The following CPA6 variants were observed in gnomAD, a reference collection of about 807,000 sequenced individuals.
CPA6 encodes the protein carboxypeptidase A6.
In CPA6, 58 loss-of-function variants were observed where a neutral mutation model predicts 63.3. That is an observed-to-expected ratio of 0.92 (90% CI 0.74 to 1.14). CPA6 has a LOEUF of 1.14. Among genes scored for constraint, CPA6 ranks in the 50% most tolerant of loss-of-function variants. CPA6 has a pLI of 0.00. For missense variants in CPA6, 565 were observed against 526.6 expected (o/e 1.07, Z -0.71); for synonymous variants, 185 against 179.0 (o/e 1.03, Z -0.27).
At chr8:67,568,987 G>T (rs1289741319) in intron 2 of CPA6, among the ~76,000 whole-genome samples, 1 of 152,172 alleles carries the variant, frequency 6.6e-6, no homozygotes, top group Non-Finnish European at 1.5e-5. Context: ...CTGACCTCAG[G>T]TGATCCACCC....
intron 1 of CPA6, among the ~76,000 whole-genome samples, chr8:67,626,248 G>A (rs1411234835): frequency 1.3e-5 from 2 of 152,274 alleles, no homozygotes; most frequent in East Asian, 3.9e-4. Flanking sequence ...TTTCCAAGAT[G>A]AAGTAAGGCT....
intron 1 of CPA6, among the ~76,000 whole-genome samples, chr8:67,630,525 A>C (rs1460396402): frequency 6.6e-6 from 1 of 152,244 alleles, no homozygotes. Flanking sequence ...CCACCTTTTA[A>C]AGAAATGGCT....
intron 2 of CPA6, among the ~76,000 whole-genome samples, chr8:67,585,528 G>A (rs375907874): frequency 2.4e-4 from 36 of 152,050 alleles, no homozygotes; most frequent in African/African-American, 6.0e-4. Flanking sequence ...ATACATTCTC[G>A]GTAGATAAGA....
intron 1 of CPA6, among the ~76,000 whole-genome samples, chr8:67,698,363 G>A (rs1816951314): frequency 6.6e-6 from 1 of 152,174 alleles, no homozygotes; most frequent in Admixed American, 6.5e-5. Context: ...GGTGATTCTG[G>A]TGAAGGTGAT....
intron 3 of CPA6, among the ~76,000 whole-genome samples, chr8:67,516,823 C>G (rs1295274842): frequency 2.0e-5 from 3 of 152,008 alleles, no homozygotes; most frequent in Admixed American, 1.3e-4. Context: ...GTGCAGACAG[C>G]CTGCACTCTG....
chr8:67,516,685 G>T (rs1812151069), intron 3 of CPA6, among the ~76,000 whole-genome samples: 1 of 152,190 alleles, frequency 6.6e-6, no homozygotes, highest in Non-Finnish European at 1.5e-5. Context: ...GAAACTCATT[G>T]TTCCTTTTAT....
At chr8:67,565,095 G>C (rs1231825261) in intron 2 of CPA6, among the ~76,000 whole-genome samples, 1 of 152,042 alleles carries the variant, frequency 6.6e-6, no homozygotes, top group Non-Finnish European at 1.5e-5. Context: ...CAAATATATT[G>C]GATAATGGAG....
At chr8:67,660,335 T>TTG (rs1220299227) in intron 1 of CPA6, among the ~76,000 whole-genome samples, 42 of 127,448 alleles carry the variant, frequency 3.3e-4, no homozygotes, top group Non-Finnish European at 6.8e-4. Flanking sequence ...TTTTTTTTTT[T>TTG]TTTTTTTTTT....
At chr8:67,578,342 G>A (rs540579199) in intron 2 of CPA6, among the ~76,000 whole-genome samples, 1 of 152,332 alleles carries the variant, frequency 6.6e-6, no homozygotes, top group Non-Finnish European at 1.5e-5. Flanking sequence ...GATCTAAAAT[G>A]AATGATGCGG....
intron 2 of CPA6, among the ~76,000 whole-genome samples, chr8:67,613,995 T>C (rs1814876498): frequency 6.6e-6 from 1 of 152,146 alleles, no homozygotes; most frequent in South Asian, 2.1e-4. Flanking sequence ...AGGATAGGGA[T>C]AGCCACCTCC....
intron 2 of CPA6, among the ~76,000 whole-genome samples, chr8:67,612,531 A>T (rs898091456): frequency 6.6e-6 from 1 of 152,220 alleles, no homozygotes; most frequent in Non-Finnish European, 1.5e-5. Flanking sequence ...CCCAGATCAT[A>T]GTCCATATTC....
chr8:67,728,376 A>G (rs1042554850), intron 1 of CPA6, among the ~76,000 whole-genome samples: 6 of 152,002 alleles, frequency 3.9e-5, no homozygotes, highest in Admixed American at 2.0e-4. Flanking sequence ...GCATTTGCCA[A>G]CCTTCAGAGG....
At chr8:67,477,162 G>A (rs982735383) in intron 8 of CPA6, among the ~76,000 whole-genome samples, 4 of 151,726 alleles carry the variant, frequency 2.6e-5, no homozygotes, top group African/African-American at 9.7e-5. Context: ...GTGGTGGCGG[G>A]CACCTGTAGT....
At chr8:67,504,756 G>A (rs1811894546) in intron 6 of CPA6, among the ~76,000 whole-genome samples, 1 of 152,084 alleles carries the variant, frequency 6.6e-6, no homozygotes. Flanking sequence ...TGCTTCCATG[G>A]CTCAGACAGA....
At chr8:67,564,059 G>T (rs992965381) in intron 2 of CPA6, among the ~76,000 whole-genome samples, 1 of 152,138 alleles carries the variant, frequency 6.6e-6, no homozygotes, top group African/African-American at 2.4e-5. Context: ...AAGGGACTTT[G>T]CATAAATTGT....
rs77921569 is a variant in CPA6, at chr8:67,713,097, G to C, written c.116+32917C>G. ...TCTGTGTGTGTATGTGTGTGTGTGT[G>C]TGTATATATATATATATATATATAT... On this transcript the variant is annotated intron_variant, in intron 1 of 10. Transcript: ENST00000297770. Among the ~76,000 whole-genome samples, 4 of 60,266 alleles carry C rather than the reference G, an allele frequency of 6.6e-5. No homozygotes were observed. The South Asian group carries it at 1.9e-3, about 29-fold the overall frequency. The allele number at this position is 60,266 out of a possible 152,430, so 39.5% of individuals were successfully genotyped here.
intron 10 of CPA6, among the ~76,000 whole-genome samples, chr8:67,424,713 C>T (rs1179372026): frequency 6.6e-6 from 1 of 152,236 alleles, no homozygotes; most frequent in Non-Finnish European, 1.5e-5. Flanking sequence ...ACATCCTCAA[C>T]CACTTTCAAT....
At chr8:67,646,745 G>C (rs762566601) in intron 1 of CPA6, among the ~76,000 whole-genome samples, 5 of 152,134 alleles carry the variant, frequency 3.3e-5, no homozygotes, top group Admixed American at 3.3e-4. Flanking sequence ...ATGGTAAGGA[G>C]CCTGCAGGGG....
Position 67,507,645 on chromosome 8 carries a change from T to G in CPA6, c.535-757A>C, listed in dbSNP as rs112814323. Among the ~76,000 whole-genome samples, 1,006 of 152,192 alleles carry G rather than the reference T, an allele frequency of 6.6e-3. 18 individuals carry two copies. Among genetic ancestry groups the G allele is most frequent in the African/African-American group, 0.023 (946 of 41,520 alleles). On this transcript the variant is annotated intron_variant, in intron 5 of 10. Transcript: ENST00000297770. Reference sequence around the variant, plus strand: ...AGTACTGGAGATTCAAACATGAAAATACAAGGAATTTATACACTAGTGGAG... The same window carrying G: ...AGTACTGGAGATTCAAACATGAAAAGACAAGGAATTTATACACTAGTGGAG...
Sources: gnomAD v4.1 joint callset for allele counts (sites outside exome capture counted in the v4.1 genomes callset) on GRCh38, gnomAD v4.1.1 for gene constraint, MANE v1.5 for transcripts, NCBI Gene and HGNC (gene_info 2026-07-23, HGNC 2026-07-21) for gene names.